RALGPS1: variants seen among roughly 807,000 people sequenced by gnomAD.
RALGPS1 encodes ras-specific guanine nucleotide-releasing factor RalGPS1.
RALGPS1 carries 19 observed loss-of-function variants against 78.8 expected under a neutral mutation model. The observed-to-expected ratio is 0.24, with a 90% confidence interval of 0.17 to 0.35. The LOEUF (loss-of-function observed/expected upper bound fraction) is 0.35, where lower values mean the gene tolerates loss of function less well. RALGPS1 is among the 10% of genes least tolerant of loss of function. The probability of loss-of-function intolerance (pLI) is 1.00; values close to 1 mark genes in which losing one functional copy is unlikely to be tolerated. For synonymous variants in RALGPS1, 228 were observed against 256.3 expected (o/e 0.89, Z 1.06); for missense variants, 454 against 688.3 (o/e 0.66, Z 3.81).
intron 8 of RALGPS1, chr9:127,107,943 G>C (rs750704867): frequency 1.3e-6 from 2 of 1,541,520 alleles, no homozygotes; most frequent in South Asian, 2.5e-5. Flanking sequence ...AAGATGGGAG[G>C]CTGGTGAGAG....
chr9:127,092,023 G>C, intron 8 of RALGPS1: 1 of 1,524,310 alleles, frequency 6.6e-7, no homozygotes, highest in Non-Finnish European at 8.9e-7. Context: ...CTCAGCCCTG[G>C]ATAGAGGGGC....
Position 127,168,767 on chromosome 9 carries a change from C to T in RALGPS1, c.837C>T (p.Asn279=). 1 of 1,606,166 alleles carries T rather than the reference C, an allele frequency of 6.2e-7. No individual in the cohort carries two copies. Residue 279 remains asparagine, a synonymous_variant, in exon 10 of 19, where the codon AAC becomes AAT. Transcript: ENST00000259351. ...EELQKFVEDD[N]YKLSLRIEPG... ...TCCAGAAGTTTGTGGAAGACGACAA[C>T]TACAAGTAAGTCCCCACGTATTCCT...
chr9:127,154,758 T>C (rs1159017974), intron 8 of RALGPS1, among the ~76,000 whole-genome samples: 1 of 152,212 alleles, frequency 6.6e-6, no homozygotes, highest in Non-Finnish European at 1.5e-5. Context: ...TGGTCACAGA[T>C]ACGCGAGTGC....
At position 126,951,809 on chromosome 9, in the gene RALGPS1, G is replaced by T. The variant is rs370872819; in HGVS notation, c.-65-10416G>T. Among the ~76,000 whole-genome samples, 1,165 of 152,316 alleles carry T rather than the reference G, an allele frequency of 7.6e-3. 13 individuals carry two copies. The highest frequency in any genetic ancestry group is 0.027 in the African/African-American group (1,109 of 41,566). Reference sequence around the variant, plus strand: ...ACTCCTATTCAACATAGTGTTGGAAGTTCTGGCCAGGGCAATTAGGCAGGA... The same window carrying T: ...ACTCCTATTCAACATAGTGTTGGAATTTCTGGCCAGGGCAATTAGGCAGGA... On this transcript the variant is annotated intron_variant, in intron 1 of 18. Transcript: ENST00000259351.
At chr9:127,142,413 C>A (rs1171514109) in intron 8 of RALGPS1, among the ~76,000 whole-genome samples, 1 of 152,174 alleles carries the variant, frequency 6.6e-6, no homozygotes, top group South Asian at 2.1e-4. Flanking sequence ...GCTAAGTGAT[C>A]CCACCTAATT....
intron 1 of RALGPS1, among the ~76,000 whole-genome samples, chr9:126,918,965 G>A (rs1236309151): frequency 4.6e-5 from 7 of 152,050 alleles, no homozygotes; most frequent in Non-Finnish European, 7.4e-5. Flanking sequence ...CCACCGCACC[G>A]GGCCCACACA....
intron 8 of RALGPS1, among the ~76,000 whole-genome samples, chr9:127,081,817 G>A (rs904845302): frequency 6.6e-6 from 1 of 152,210 alleles, no homozygotes; most frequent in African/African-American, 2.4e-5. Flanking sequence ...ATGACCATCA[G>A]CAAGCACAGC....
Position 126,965,910 on chromosome 9 carries a change from G to A in RALGPS1, c.124G>A (p.Val42Ile), listed in dbSNP as rs374751575. The A allele has an allele frequency of 8.7e-6, 14 of 1,614,020 alleles. No homozygotes were observed. Among genetic ancestry groups the A allele is most frequent in the Admixed American group, 8.3e-5 (5 of 60,010 alleles). ...CTATGCCAGCAAGAGCTATGATGCC[G>A]TTGTCTTCGATGTCTTGAAAGTGAC... ...CDYASKSYDA[V>I]VFDVLKVTPE... Residue 42 changes from valine to isoleucine, a missense_variant, in exon 3 of 19, where the codon GTT becomes ATT. Coordinates refer to ENST00000259351, the MANE Select transcript of RALGPS1 (RefSeq NM_014636.3).
At chr9:126,993,834 C>T (rs1322787068) in intron 4 of RALGPS1, among the ~76,000 whole-genome samples, 2 of 152,154 alleles carry the variant, frequency 1.3e-5, no homozygotes, top group African/African-American at 4.8e-5. Context: ...ACAAAACTTC[C>T]AGAGGAACGA....
At chr9:126,993,625 G>C (rs1233062961) in intron 4 of RALGPS1, among the ~76,000 whole-genome samples, 3 of 152,000 alleles carry the variant, frequency 2.0e-5, no homozygotes, top group Non-Finnish European at 2.9e-5. Flanking sequence ...CTCTCAGCGT[G>C]AGTGATGCAG....
intron 8 of RALGPS1, among the ~76,000 whole-genome samples, chr9:127,117,575 T>TG (rs2055568610): frequency 6.6e-6 from 1 of 152,012 alleles, no homozygotes; most frequent in Non-Finnish European, 1.5e-5. Context: ...TAGGGAAACT[T>TG]GGGGGGCTGT....
intron 14 of RALGPS1, among the ~76,000 whole-genome samples, chr9:127,202,200 A>G (rs1295973543): frequency 6.6e-6 from 1 of 152,140 alleles, no homozygotes; most frequent in Non-Finnish European, 1.5e-5. Context: ...TCCACACCAC[A>G]CACACCTCTG....
chr9:126,937,807 A>T (rs1362355871), intron 1 of RALGPS1, among the ~76,000 whole-genome samples: 1 of 152,178 alleles, frequency 6.6e-6, no homozygotes, highest in South Asian at 2.1e-4. Flanking sequence ...GAGGGAACCT[A>T]GGGGTGCTTG....
chr9:127,081,212 G>A (rs2051134268), intron 8 of RALGPS1, among the ~76,000 whole-genome samples: 1 of 149,116 alleles, frequency 6.7e-6, no homozygotes, highest in African/African-American at 2.4e-5. Context: ...ATGCTAAAAT[G>A]ATAGGCACAA....
intron 1 of RALGPS1, among the ~76,000 whole-genome samples, chr9:126,939,082 GA>G (rs2036524253): frequency 6.6e-6 from 1 of 152,206 alleles, no homozygotes; most frequent in Non-Finnish European, 1.5e-5. Context: ...GGAAGTGGGA[GA>G]GGGGGGCAGA....
chr9:127,054,992 TGATTGAGA>T (rs1194787885), intron 7 of RALGPS1, among the ~76,000 whole-genome samples: 1 of 79,232 alleles, frequency 1.3e-5, no homozygotes, highest in Non-Finnish European at 2.6e-5. Flanking sequence ...AGAGAGAGAT[TGATTGAGA>T]GAGAGAGAGA....
chr9:127,116,901 C>A (rs1220338618), intron 8 of RALGPS1, among the ~76,000 whole-genome samples: 3 of 152,194 alleles, frequency 2.0e-5, no homozygotes, highest in African/African-American at 7.2e-5. Flanking sequence ...TGGAGCTGGG[C>A]CCAGTAACAG....
chr9:126,975,581 C>T (rs914222188), intron 3 of RALGPS1, among the ~76,000 whole-genome samples: 2 of 152,166 alleles, frequency 1.3e-5, no homozygotes, highest in South Asian at 4.1e-4. Flanking sequence ...TTCTGTTCCC[C>T]AGGATGGCAG....
intron 1 of RALGPS1, among the ~76,000 whole-genome samples, chr9:126,958,142 A>AAAAT (rs113413659): frequency 2.1e-4 from 16 of 77,106 alleles, no homozygotes; most frequent in African/African-American, 6.5e-4. Flanking sequence ...AAAAAAAAAA[A>AAAAT]ATATATATAT....
Sources: gnomAD v4.1 joint callset for allele counts (sites outside exome capture counted in the v4.1 genomes callset) on GRCh38, gnomAD v4.1.1 for gene constraint, MANE v1.5 for transcripts, NCBI Gene and HGNC (gene_info 2026-07-23, HGNC 2026-07-21) for gene names.